Variants in PIP4K2B observed in about 807,000 individuals in gnomAD.
PIP4K2B encodes phosphatidylinositol-5-phosphate 4-kinase type 2 beta.
A neutral mutation model predicts 42.0 loss-of-function variants in PIP4K2B; 3 were observed. That is an observed-to-expected ratio of 0.07 (90% confidence interval 0.03 to 0.18). PIP4K2B has a LOEUF of 0.18. PIP4K2B is among the 10% of genes least tolerant of loss of function. The pLI, the probability that PIP4K2B is intolerant of heterozygous loss-of-function variation, is 1.00. For synonymous variants in PIP4K2B, 204 were observed against 210.1 expected (o/e 0.97, Z 0.25); for missense variants, 332 against 562.3 (o/e 0.59, Z 4.14).
At position 38,799,247 on chromosome 17, in the gene PIP4K2B, G is replaced by A. The variant is rs1199185497; in HGVS notation, c.159+19C>T. 1.3e-6 allele frequency: 2 copies of A among 1,575,448 alleles called. No individual in the cohort carries two copies. On this transcript the variant is annotated intron_variant, in intron 1 of 9. Coordinates refer to ENST00000619039, the MANE Select transcript of PIP4K2B (RefSeq NM_003559.5). The surrounding 1 kb of genome is among the most constrained non-coding windows in gnomAD (Gnocchi z 4.4). ...AGCGCGCGGGGCCGCGCTCAGAGGG[G>A]CGCGCAGGAGCTGGTTACCGTGTGG...
intron 1 of PIP4K2B, among the ~76,000 whole-genome samples, chr17:38,791,628 C>T (rs1910347498): frequency 6.7e-6 from 1 of 149,954 alleles, no homozygotes; most frequent in Admixed American, 6.6e-5. Flanking sequence ...AGGCTGGTCT[C>T]GAACTCCCGA....
At chr17:38,785,205 C>T (rs1417910605) in intron 2 of PIP4K2B, among the ~76,000 whole-genome samples, 1 of 152,218 alleles carries the variant, frequency 6.6e-6, no homozygotes, top group African/African-American at 2.4e-5. Flanking sequence ...TACCAATCCT[C>T]CATCTTTACA....
chr17:38,791,828 G>A (rs975635757), intron 1 of PIP4K2B, among the ~76,000 whole-genome samples: 16 of 150,998 alleles, frequency 1.1e-4, no homozygotes, highest in African/African-American at 3.9e-4. Context: ...AGTGGCTCAC[G>A]CCTGTAATTC....
chr17:38,786,988 A>T, intron 1 of PIP4K2B, 68 bp from the exon 2 acceptor site: 1 of 960,872 alleles, frequency 1.0e-6, no homozygotes, highest in East Asian at 2.4e-5. Context: ...CTAAGCTACA[A>T]TGTGGATGCC....
intron 8 of PIP4K2B, among the ~76,000 whole-genome samples, 191 bp downstream of exon 8, chr17:38,770,823 T>G (rs1016174477): frequency 6.6e-6 from 1 of 151,922 alleles, no homozygotes; most frequent in African/African-American, 2.4e-5. Context: ...CAGGGAAGTA[T>G]AGGAAAGCCT....
At chr17:38,793,246 CTTTT>C (rs67325199) in intron 1 of PIP4K2B, among the ~76,000 whole-genome samples, 3 of 128,044 alleles carry the variant, frequency 2.3e-5, no homozygotes, top group South Asian at 5.2e-4. Flanking sequence ...AAGATTTTTT[CTTTT>C]TTTTTTTTTT....
intron 1 of PIP4K2B, among the ~76,000 whole-genome samples, chr17:38,796,290 C>A (rs995022855): frequency 3.9e-5 from 6 of 152,188 alleles, no homozygotes; most frequent in Non-Finnish European, 7.4e-5. Flanking sequence ...AATGGTACAG[C>A]CACTTTAGAG....
intron 3 of PIP4K2B, among the ~76,000 whole-genome samples, chr17:38,782,874 T>A (rs1316456121): frequency 1.3e-5 from 2 of 152,102 alleles, no homozygotes; most frequent in African/African-American, 4.8e-5. Context: ...AAAAGTTTTC[T>A]CCACAGATGA....
intron 1 of PIP4K2B, among the ~76,000 whole-genome samples, chr17:38,792,296 G>A (rs894365115): frequency 6.6e-6 from 1 of 151,988 alleles, no homozygotes; most frequent in Non-Finnish European, 1.5e-5. Flanking sequence ...CTACAGGTGT[G>A]CCATCATGCC....
chr17:38,769,560 T>C lies in PIP4K2B; in HGVS notation c.*131A>G. 1.4e-6 allele frequency: 1 copy of C among 723,556 alleles called. No individual in the cohort carries two copies. The highest frequency in any genetic ancestry group is 1.8e-5 in the Admixed American group (1 of 54,596). 44.8% of individuals were successfully genotyped at this position (723,556 alleles called of 1,614,324 possible). On this transcript the variant is annotated 3_prime_UTR_variant, in exon 10 of 10. Coordinates refer to ENST00000619039, the MANE Select transcript of PIP4K2B (RefSeq NM_003559.5). ...TCTTTCGGTGTCACAGGCTGCAGTC[T>C]CATTGCTAAAGCCCTCCCAAACCCG... is the stretch of plus-strand genomic sequence containing the variant.
intron 2 of PIP4K2B, 59 bp downstream of exon 2, chr17:38,786,764 C>A: frequency 9.1e-7 from 1 of 1,097,152 alleles, no homozygotes. Context: ...CTTCAGAAGC[C>A]TCTGACTTGA....
At chr17:38,777,848 C>G (rs1408155742) in intron 6 of PIP4K2B, 48 bp from the exon 7 acceptor site, 1 of 1,292,176 alleles carries the variant, frequency 7.7e-7, no homozygotes, top group African/African-American at 1.5e-5. Flanking sequence ...TTAATTCACC[C>G]CAGGGACACC....
At chr17:38,770,777 C>G (rs1908977229) in intron 8 of PIP4K2B, among the ~76,000 whole-genome samples, 1 of 152,048 alleles carries the variant, frequency 6.6e-6, no homozygotes, top group Non-Finnish European at 1.5e-5. Flanking sequence ...ATCTCATGAA[C>G]CAGAGCAGAA....
At chr17:38,798,813 A>C (rs1435778131) in intron 1 of PIP4K2B, among the ~76,000 whole-genome samples, 2 of 152,198 alleles carry the variant, frequency 1.3e-5, no homozygotes, top group African/African-American at 2.4e-5. Flanking sequence ...CAGCCACAAC[A>C]ACCAAACGAT....
intron 6 of PIP4K2B, among the ~76,000 whole-genome samples, chr17:38,778,085 A>C (rs975333441): frequency 1.3e-5 from 2 of 152,182 alleles, no homozygotes; most frequent in African/African-American, 4.8e-5. Context: ...CTGGACTATG[A>C]GATAGAAATG....
chr17:38,784,187 G>C (rs758901240), intron 3 of PIP4K2B, 56 bp downstream of exon 3: 3 of 1,040,366 alleles, frequency 2.9e-6, no homozygotes, highest in Non-Finnish European at 4.5e-6. Flanking sequence ...CTGTCCTGTG[G>C]CTTCCTGACC....
intron 7 of PIP4K2B, among the ~76,000 whole-genome samples, chr17:38,772,755 T>C (rs1909116549): frequency 6.6e-6 from 1 of 152,128 alleles, no homozygotes; most frequent in Non-Finnish European, 1.5e-5. Flanking sequence ...CTAATTTTTG[T>C]ATTTTTAGTA....
chr17:38,790,801 A>G (rs770423471), intron 1 of PIP4K2B, among the ~76,000 whole-genome samples: 4 of 152,146 alleles, frequency 2.6e-5, no homozygotes, highest in Non-Finnish European at 4.4e-5. Flanking sequence ...TGAACAATCC[A>G]TATCTCAACT....
chr17:38,795,965 C>G (rs900335589), intron 1 of PIP4K2B, among the ~76,000 whole-genome samples: 1 of 151,932 alleles, frequency 6.6e-6, no homozygotes, highest in Non-Finnish European at 1.5e-5. Context: ...ATGGTGAAAC[C>G]TTGTCTCTAC....
Sources: gnomAD v4.1 joint callset for allele counts (sites outside exome capture counted in the v4.1 genomes callset) on GRCh38, gnomAD v4.1.1 for gene constraint, Gnocchi (gnomAD v3.1) non-coding constraint, MANE v1.5 for transcripts, NCBI Gene and HGNC (gene_info 2026-07-23, HGNC 2026-07-21) for gene names.